The following IFT80 variants were observed in gnomAD, a reference collection of about 807,000 sequenced individuals.
The protein encoded by IFT80 is intraflagellar transport 80.
In IFT80, 79 loss-of-function variants were observed where a neutral mutation model predicts 107.9. The observed-to-expected ratio is 0.73, with a 90% confidence interval of 0.61 to 0.88. The LOEUF is 0.88. Among genes scored for constraint, IFT80 ranks in the 40% least tolerant of loss-of-function variants. IFT80 has a pLI of 0.00. For synonymous variants in IFT80, 299 were observed against 300.9 expected, an observed-to-expected ratio of 0.99 and a Z score of 0.07; for missense variants, 797 against 914.2, an observed-to-expected ratio of 0.87 and a Z score of 1.65.
intron 18 of IFT80, among the ~76,000 whole-genome samples, chr3:160,273,033 C>A (rs762967906): frequency 6.6e-6 from 1 of 152,080 alleles, no homozygotes; most frequent in Non-Finnish European, 1.5e-5. Flanking sequence ...GTCCTGGAAC[C>A]AATCCTTACC....
At chr3:160,395,990 T>G (rs1170262983) in intron 1 of IFT80, among the ~76,000 whole-genome samples, 1 of 152,142 alleles carries the variant, frequency 6.6e-6, no homozygotes, top group East Asian at 1.9e-4. Context: ...ACTTACAATC[T>G]TAAAAACCTA....
At chr3:160,308,698 T>C (rs191390876) in intron 9 of IFT80, among the ~76,000 whole-genome samples, 4 of 152,180 alleles carry the variant, frequency 2.6e-5, no homozygotes, top group East Asian at 3.9e-4. Flanking sequence ...GAAAGAAAAA[T>C]AGAAGGTAAA....
chr3:160,274,068 T>C (rs958253445), intron 18 of IFT80, among the ~76,000 whole-genome samples: 1 of 152,102 alleles, frequency 6.6e-6, no homozygotes, highest in African/African-American at 2.4e-5. Flanking sequence ...AAGGGGGGCA[T>C]GCGGGGAACA....
intron 1 of IFT80, among the ~76,000 whole-genome samples, chr3:160,392,858 C>T (rs969678485): frequency 1.3e-5 from 2 of 152,102 alleles, no homozygotes; most frequent in African/African-American, 4.8e-5. Flanking sequence ...CTGCTTGAGG[C>T]CAGGAGTTCA....
chr3:160,282,373 C>A (rs981617995), intron 14 of IFT80, 105 bp downstream of exon 14: 3 of 827,348 alleles, frequency 3.6e-6, no homozygotes, highest in Non-Finnish European at 3.8e-6. Flanking sequence ...AGAAGTATTA[C>A]AAGATCAAAA....
At chr3:160,319,581 A>G (rs1178745768) in intron 9 of IFT80, among the ~76,000 whole-genome samples, 179 bp downstream of exon 9, 2 of 152,022 alleles carry the variant, frequency 1.3e-5, no homozygotes, top group South Asian at 2.1e-4. Flanking sequence ...TTCAGGTTCT[A>G]TATCTGTGAA....
chr3:160,378,408 T>G (rs987594024), intron 3 of IFT80, among the ~76,000 whole-genome samples: 1 of 152,120 alleles, frequency 6.6e-6, no homozygotes, highest in Non-Finnish European at 1.5e-5. Context: ...AGGTTTTATA[T>G]TCACAGTTCT....
intron 8 of IFT80, among the ~76,000 whole-genome samples, chr3:160,333,965 T>C (rs1719275430): frequency 6.6e-6 from 1 of 152,180 alleles, no homozygotes; most frequent in Non-Finnish European, 1.5e-5. Flanking sequence ...AACACATAAG[T>C]AATGTGTTGT....
intron 6 of IFT80, among the ~76,000 whole-genome samples, chr3:160,364,516 G>T (rs1721725814): frequency 6.6e-6 from 1 of 152,134 alleles, no homozygotes; most frequent in East Asian, 1.9e-4. Flanking sequence ...ATACCCAAAG[G>T]ATTATAAACC....
chr3:160,300,372 T>G (rs1009306101), intron 12 of IFT80, among the ~76,000 whole-genome samples: 2 of 152,110 alleles, frequency 1.3e-5, no homozygotes, highest in African/African-American at 4.8e-5. Flanking sequence ...ACACCTGACA[T>G]ACTTATATTT....
At chr3:160,273,551 C>T (rs1465850983) in intron 18 of IFT80, among the ~76,000 whole-genome samples, 3 of 152,116 alleles carry the variant, frequency 2.0e-5, no homozygotes, top group East Asian at 1.9e-4. Flanking sequence ...AAAGTAACTT[C>T]TACGTTTCCA....
chr3:160,294,759 A>G (rs1715845192), intron 12 of IFT80, among the ~76,000 whole-genome samples: 1 of 152,196 alleles, frequency 6.6e-6, no homozygotes, highest in Admixed American at 6.5e-5. Flanking sequence ...TTGGGAGCTA[A>G]GCTAAGCTCC....
intron 9 of IFT80, among the ~76,000 whole-genome samples, chr3:160,317,168 G>GA (rs1717885041): frequency 1.3e-5 from 2 of 151,958 alleles, no homozygotes; most frequent in African/African-American, 4.8e-5. Flanking sequence ...GGCAAGTAGG[G>GA]ATCACTCAAT....
At chr3:160,368,159 G>A (rs1721996362) in intron 5 of IFT80, among the ~76,000 whole-genome samples, 1 of 151,722 alleles carries the variant, frequency 6.6e-6, no homozygotes, top group Non-Finnish European at 1.5e-5. Flanking sequence ...AAATTTAATT[G>A]TTTATTCAAA....
chr3:160,362,408 A>T (rs1195704686), intron 6 of IFT80, among the ~76,000 whole-genome samples: 3 of 152,242 alleles, frequency 2.0e-5, no homozygotes, highest in Non-Finnish European at 1.5e-5. Flanking sequence ...GTCCAGGACC[A>T]GACAGATTCA....
chr3:160,285,160 G>A (rs568342268), intron 13 of IFT80, among the ~76,000 whole-genome samples: 4 of 152,054 alleles, frequency 2.6e-5, no homozygotes, highest in East Asian at 1.9e-4. Context: ...GCAACATGGC[G>A]AAACCCTGTC....
At chr3:160,369,226 G>A (rs187173571) in intron 5 of IFT80, among the ~76,000 whole-genome samples, 1 of 151,888 alleles carries the variant, frequency 6.6e-6, no homozygotes, top group Non-Finnish European at 1.5e-5. Flanking sequence ...AAAAAGTTAA[G>A]TAATTCCTTT....
chr3:160,359,264 T>C (rs1721320425), intron 6 of IFT80, among the ~76,000 whole-genome samples: 1 of 152,240 alleles, frequency 6.6e-6, no homozygotes, highest in Non-Finnish European at 1.5e-5. Flanking sequence ...CCAGAGGTTC[T>C]ACTGAACCAC....
At chr3:160,260,497 C>T (rs1433313256) in intron 19 of IFT80, among the ~76,000 whole-genome samples, 1 of 152,106 alleles carries the variant, frequency 6.6e-6, no homozygotes, top group Non-Finnish European at 1.5e-5. Context: ...TGCTCTGTTG[C>T]AAGTAAATTG....
Sources: allele counts gnomAD v4.1 joint callset (sites outside exome capture counted in the v4.1 genomes callset), GRCh38; gene constraint gnomAD v4.1.1; transcripts MANE v1.5; gene names NCBI Gene and HGNC (gene_info 2026-07-23, HGNC 2026-07-21).